LMTK2: variants seen among roughly 807,000 people sequenced by gnomAD.
LMTK2 encodes serine/threonine-protein kinase LMTK2.
In LMTK2, 37 loss-of-function variants were observed where a neutral mutation model predicts 127.5. That is an observed-to-expected ratio of 0.29 (90% confidence interval 0.22 to 0.38). The LOEUF is 0.38. LMTK2 is among the 10% of genes least tolerant of loss of function. The pLI, the probability that LMTK2 is intolerant of heterozygous loss-of-function variation, is 1.00. For synonymous variants in LMTK2, 819 were observed against 810.1 expected (o/e 1.01, Z -0.19); for missense variants, 1,694 against 1,920.3 (o/e 0.88, Z 2.20).
At chr7:98,189,435 G>A (rs1337269280) in intron 9 of LMTK2, among the ~76,000 whole-genome samples, 1 of 152,080 alleles carries the variant, frequency 6.6e-6, no homozygotes, top group East Asian at 1.9e-4. Flanking sequence ...GTTGTTTGGG[G>A]CGTGTCGTGG....
chr7:98,140,184 T>TC (rs1225246048), intron 2 of LMTK2, among the ~76,000 whole-genome samples: 2 of 16,318 alleles, frequency 1.2e-4, no homozygotes, highest in African/African-American at 4.2e-4. Context: ...TTCTTTTCTT[T>TC]CTTCTTTCTG....
intron 1 of LMTK2, among the ~76,000 whole-genome samples, chr7:98,132,217 C>G (rs1482576104): frequency 6.6e-6 from 1 of 152,122 alleles, no homozygotes; most frequent in Non-Finnish European, 1.5e-5. Context: ...GACAGCAGCT[C>G]TCTGAACTGG....
chr7:98,122,262 G>A (rs956896254), intron 1 of LMTK2, among the ~76,000 whole-genome samples: 2 of 151,606 alleles, frequency 1.3e-5, no homozygotes, highest in Admixed American at 6.6e-5. Context: ...GGTTTGTCAC[G>A]TGGGTAAATT....
chr7:98,142,692 C>T (rs34320281), intron 3 of LMTK2, among the ~76,000 whole-genome samples: 18,512 of 152,238 alleles, frequency 0.12, 1,741 homozygotes, highest in African/African-American at 0.26. Context: ...TTAGATCAGC[C>T]TAAGTGGAAA....
At chr7:98,184,861 A>T (rs922842138) in intron 7 of LMTK2, among the ~76,000 whole-genome samples, 190 bp from the exon 8 acceptor site, 1 of 152,220 alleles carries the variant, frequency 6.6e-6, no homozygotes, top group East Asian at 1.9e-4. Context: ...GATCATCTTT[A>T]TTATTTAAGT....
rs35943072 is a variant in LMTK2, at chr7:98,171,681, A to C, written c.791+7A>C. ...AGCTGCACTTCCTGCACAGGTGGGT[A>C]CCTGCGTCAGCGGTGCACGCCCCAC... On this transcript the variant is annotated splice_region_variant and intron_variant, in intron 7 of 13. Coordinates refer to ENST00000297293, the MANE Select transcript of LMTK2 (RefSeq NM_014916.4). The surrounding 1 kb of genome is among the most constrained non-coding windows in gnomAD (Gnocchi z 5.1). 73,245 of 1,571,032 alleles carry C rather than the reference A, an allele frequency of 0.047. 5,154 individuals carry two copies. Among genetic ancestry groups the C allele is most frequent in the East Asian group, 0.32 (14,087 of 44,594 alleles).
intron 1 of LMTK2, among the ~76,000 whole-genome samples, chr7:98,120,646 G>A (rs1350678459): frequency 6.6e-6 from 1 of 152,090 alleles, no homozygotes; most frequent in African/African-American, 2.4e-5. Context: ...CCCCTTTCAA[G>A]AGGAAAAAAT....
In LMTK2 at chr7:98,203,674, G is replaced by A. The variant is rs778471576; in HGVS notation, c.4208G>A (p.Cys1403Tyr). Residue 1403 changes from cysteine to tyrosine, a missense_variant, in exon 12 of 14, where the codon TGC (cysteine) becomes TAC (tyrosine). Transcript: ENST00000297293. ...TCAGGCTCTCCCTACCTGAGCAGGT[G>A]CATCAACTCCGAAAGCTCCACCGAC... ...PASGSPYLSR[C>Y]INSESSTDEE... The A allele has an allele frequency of 3.1e-6, 5 of 1,613,752 alleles. No homozygotes were observed. Among genetic ancestry groups the A allele is most frequent in the Non-Finnish European group, 4.2e-6 (5 of 1,179,980 alleles).
intron 1 of LMTK2, among the ~76,000 whole-genome samples, chr7:98,116,675 A>G (rs908518144): frequency 6.6e-6 from 1 of 152,182 alleles, no homozygotes; most frequent in Admixed American, 6.5e-5. Context: ...AACATCCTAT[A>G]TTAATGTAGT....
rs376807663 is a variant in LMTK2 at position 98,123,564 on chromosome 7, A to G, written c.104-13751A>G. ...AGGTCTGAAGCTTTTAAGACTTCCT[A>G]TGTGTCTAGATCTGAACAGTTGTAA... On this transcript the variant is annotated intron_variant, in intron 1 of 13. Coordinates refer to ENST00000297293, the MANE Select transcript of LMTK2 (RefSeq NM_014916.4). Among the ~76,000 whole-genome samples the G allele has an allele frequency of 2.1e-4, 32 of 151,982 alleles. No homozygotes were observed. The South Asian group carries it at 5.0e-3, about 24-fold the overall frequency.
At chr7:98,186,456 A>C (rs1308385407) in intron 8 of LMTK2, among the ~76,000 whole-genome samples, 1 of 152,216 alleles carries the variant, frequency 6.6e-6, no homozygotes, top group African/African-American at 2.4e-5. Context: ...TTGCTTGCGT[A>C]GAATCACATA....
chr7:98,153,274 C>G (rs1024346929), intron 4 of LMTK2, among the ~76,000 whole-genome samples: 1 of 152,018 alleles, frequency 6.6e-6, no homozygotes, highest in African/African-American at 2.4e-5. Context: ...AAAGTGGAAA[C>G]CAGGGGGAGG....
At chr7:98,162,235 A>G (rs1410406327) in intron 6 of LMTK2, among the ~76,000 whole-genome samples, 1 of 152,248 alleles carries the variant, frequency 6.6e-6, no homozygotes, top group African/African-American at 2.4e-5. Flanking sequence ...AGAAACACAA[A>G]AACATGGTGG....
rs115960031 is a variant in LMTK2, at chr7:98,189,575, C to T, written c.999-1153C>T. On this transcript the variant is annotated intron_variant, in intron 9 of 13. Transcript: ENST00000297293. The stretch of plus-strand genomic sequence containing the variant: ...CTAGCAGTGTGTGTGTTCACGGCTT[C>T]CCAGAGGACACAGATGAGAGTCACG... Among the ~76,000 whole-genome samples the T allele has an allele frequency of 4.7e-3, 711 of 152,270 alleles. 2 individuals are homozygous for T. The highest frequency in any genetic ancestry group is 0.014 in the Middle Eastern group (4 of 294).
intron 7 of LMTK2, among the ~76,000 whole-genome samples, chr7:98,175,346 G>T (rs1797261722): frequency 6.6e-6 from 1 of 152,210 alleles, no homozygotes; most frequent in Admixed American, 6.5e-5. Flanking sequence ...GGAGTTTAGG[G>T]AAATGTCAGA....
At chr7:98,120,688 C>T (rs1562896177) in intron 1 of LMTK2, among the ~76,000 whole-genome samples, 1 of 152,090 alleles carries the variant, frequency 6.6e-6, no homozygotes, top group East Asian at 1.9e-4. Context: ...GGCAATTTGC[C>T]CCTGTAGAAG....
At chr7:98,146,502 C>T (rs959360809) in intron 3 of LMTK2, among the ~76,000 whole-genome samples, 1 of 151,360 alleles carries the variant, frequency 6.6e-6, no homozygotes, top group East Asian at 1.9e-4. Flanking sequence ...TTTGATGTAC[C>T]ATTTTGATTC....
chr7:98,185,961 T>C (rs1357091531), intron 8 of LMTK2, among the ~76,000 whole-genome samples: 1 of 152,172 alleles, frequency 6.6e-6, no homozygotes, highest in African/African-American at 2.4e-5. Flanking sequence ...AAAAATATTA[T>C]GCAAATAGAA....
chr7:98,160,347 C>T (rs1004206004), intron 6 of LMTK2, among the ~76,000 whole-genome samples: 1 of 152,216 alleles, frequency 6.6e-6, no homozygotes, highest in Admixed American at 6.5e-5. Context: ...TCGAGTATTT[C>T]TCTCATTGGC....
Sources: allele counts gnomAD v4.1 joint callset (sites outside exome capture counted in the v4.1 genomes callset), GRCh38; gene constraint gnomAD v4.1.1; non-coding constraint Gnocchi (gnomAD v3.1); transcripts MANE v1.5; gene names NCBI Gene and HGNC (gene_info 2026-07-23, HGNC 2026-07-21).